Variants in SLC24A2 observed in about 807,000 individuals in gnomAD.
SLC24A2 encodes the protein solute carrier family 24 member 2, also known as sodium/potassium/calcium exchanger 2.
Under a neutral mutation model 62.0 loss-of-function variants are expected in SLC24A2, and 36 were observed. The ratio of observed to expected loss-of-function variants is 0.58; its 90% confidence interval spans 0.44 to 0.77. The LOEUF (loss-of-function observed/expected upper bound fraction) is 0.77. SLC24A2 is among the 30% of genes least tolerant of loss of function. The pLI is 0.00. For missense variants in SLC24A2, 846 were observed against 817.9 expected (o/e 1.03, Z -0.42); for synonymous variants, 358 against 294.0 (o/e 1.22, Z -2.23).
the SLC24A2 span, among the ~76,000 whole-genome samples, chr9:19,809,372 G>A: frequency 6.6e-6 from 1 of 152,112 alleles, no homozygotes; most frequent in Non-Finnish European, 1.5e-5. Context: ...ACATGTTAAG[G>A]ATTTACAAAA....
At chr9:19,580,358 C>T (rs1836165242) in intron 5 of SLC24A2, among the ~76,000 whole-genome samples, 1 of 152,246 alleles carries the variant, frequency 6.6e-6, no homozygotes, top group African/African-American at 2.4e-5. Context: ...ATGTGGCACA[C>T]ATGTGTAATC....
chr9:19,927,304 C>T, the SLC24A2 span: 1 of 152,244 alleles, frequency 6.6e-6, no homozygotes, highest in Non-Finnish European at 1.5e-5. Context: ...CTATCCAGTG[C>T]TTAAGCTCGC....
chr9:20,248,465 C>T, the SLC24A2 span, among the ~76,000 whole-genome samples: 1 of 152,154 alleles, frequency 6.6e-6, no homozygotes, highest in South Asian at 2.1e-4. Flanking sequence ...TGGTGAAGGC[C>T]CTTTTCCTGG....
chr9:20,202,963 A>G, the SLC24A2 span, among the ~76,000 whole-genome samples: 25 of 152,226 alleles, frequency 1.6e-4, no homozygotes, highest in Non-Finnish European at 2.6e-4. Flanking sequence ...GCATTGGAGT[A>G]AAGTAGATTT....
At chr9:20,290,519 G>A in the SLC24A2 span, among the ~76,000 whole-genome samples, 4 of 152,348 alleles carry the variant, frequency 2.6e-5, no homozygotes, top group South Asian at 2.1e-4. Context: ...AGAGGCATGT[G>A]TGAGCTCTGG....
chr9:20,276,777 A>T, the SLC24A2 span, among the ~76,000 whole-genome samples: 1 of 152,138 alleles, frequency 6.6e-6, no homozygotes, highest in East Asian at 1.9e-4. Flanking sequence ...TCAGTGCTTG[A>T]CTTCTGTATA....
the SLC24A2 span, among the ~76,000 whole-genome samples, chr9:20,125,070 C>T: frequency 7.2e-5 from 11 of 152,124 alleles, no homozygotes; most frequent in Non-Finnish European, 1.5e-4. Flanking sequence ...CATAATCTTG[C>T]CATGAGGCTT....
the SLC24A2 span, among the ~76,000 whole-genome samples, chr9:20,288,015 A>T: frequency 9.1e-6 from 1 of 109,832 alleles, no homozygotes; most frequent in African/African-American, 4.8e-5. Context: ...TTTGGTTGGG[A>T]GTGGGAAGGG....
At chr9:19,772,018 C>G (rs1822705383) in intron 2 of SLC24A2, among the ~76,000 whole-genome samples, 1 of 152,146 alleles carries the variant, frequency 6.6e-6, no homozygotes, top group South Asian at 2.1e-4. Context: ...CATCTTGGAG[C>G]AAAGGCCTGT....
At chr9:20,022,852 AG>A in the SLC24A2 span, among the ~76,000 whole-genome samples, 3 of 152,234 alleles carry the variant, frequency 2.0e-5, no homozygotes, top group Non-Finnish European at 2.9e-5. Context: ...CTGATAAAAA[AG>A]CATGTATTGG....
At chr9:19,860,184 AC>A in the SLC24A2 span, among the ~76,000 whole-genome samples, 2 of 151,854 alleles carry the variant, frequency 1.3e-5, no homozygotes, top group African/African-American at 4.8e-5. Context: ...TCAAAAAGAG[AC>A]CCCTTCCTTT....
chr9:19,569,041 C>A (rs1835760405), intron 7 of SLC24A2, among the ~76,000 whole-genome samples: 1 of 152,112 alleles, frequency 6.6e-6, no homozygotes, highest in South Asian at 2.1e-4. Context: ...CATAGCAGTA[C>A]ATGAAGAGCT....
chr9:20,012,327 C>T, the SLC24A2 span, among the ~76,000 whole-genome samples: 3 of 152,160 alleles, frequency 2.0e-5, no homozygotes, highest in African/African-American at 7.2e-5. Context: ...TGCAGGGAAA[C>T]TCCCCTTTTT....
At chr9:19,887,644 G>T in the SLC24A2 span, among the ~76,000 whole-genome samples, 2 of 152,156 alleles carry the variant, frequency 1.3e-5, no homozygotes, top group African/African-American at 4.8e-5. Context: ...ACAGTGTGGA[G>T]ATTCCTCAAA....
the SLC24A2 span, among the ~76,000 whole-genome samples, chr9:19,998,284 C>T: frequency 6.6e-6 from 1 of 152,062 alleles, no homozygotes; most frequent in Non-Finnish European, 1.5e-5. Context: ...CATTCAGACC[C>T]ATTCAGGGGT....
At chr9:19,613,606 A>T (rs1817686266) in intron 4 of SLC24A2, among the ~76,000 whole-genome samples, 1 of 152,130 alleles carries the variant, frequency 6.6e-6, no homozygotes, top group African/African-American at 2.4e-5. Flanking sequence ...CTGGCAAAAG[A>T]GGTTCTTTAA....
the SLC24A2 span, among the ~76,000 whole-genome samples, chr9:20,107,427 C>T: frequency 6.6e-6 from 1 of 152,082 alleles, no homozygotes; most frequent in African/African-American, 2.4e-5. Flanking sequence ...AGGCATCATG[C>T]TACCTGACTT....
intron 5 of SLC24A2, among the ~76,000 whole-genome samples, chr9:19,587,732 C>T (rs911042088): frequency 1.3e-5 from 2 of 151,790 alleles, no homozygotes; most frequent in African/African-American, 4.8e-5. Context: ...GTTTGACTGA[C>T]GAAGGCAACT....
At chr9:20,190,311 TC>T in the SLC24A2 span, among the ~76,000 whole-genome samples, 2 of 152,110 alleles carry the variant, frequency 1.3e-5, no homozygotes, top group Non-Finnish European at 2.9e-5. Context: ...GTCAAGACAA[TC>T]CTTTTAGGGC....
Sources: allele counts gnomAD v4.1 joint callset (sites outside exome capture counted in the v4.1 genomes callset), GRCh38; gene constraint gnomAD v4.1.1; transcripts MANE v1.5; gene names NCBI Gene and HGNC (gene_info 2026-07-23, HGNC 2026-07-21).